The following NR3C2 variants were observed in gnomAD, a reference collection of about 807,000 sequenced individuals.
NR3C2 encodes the protein nuclear receptor subfamily 3 group C member 2, also known as mineralocorticoid receptor.
A neutral mutation model predicts 86.4 loss-of-function variants in NR3C2; 15 were observed. The observed-to-expected ratio is 0.17, with a 90% CI of 0.12 to 0.27. The LOEUF (loss-of-function observed/expected upper bound fraction) is 0.27, where lower values mean the gene tolerates loss of function less well. NR3C2 is among the 10% of genes least tolerant of loss of function. The pLI, the probability that NR3C2 is intolerant of heterozygous loss-of-function variation, is 1.00. For missense variants in NR3C2, 960 were observed against 1,195.6 expected, an observed-to-expected ratio of 0.80 and a Z score of 2.91; for synonymous variants, 458 against 450.5, an observed-to-expected ratio of 1.02 and a Z score of -0.21.
chr4:148,153,975 A>G (rs1466495762), intron 5 of NR3C2, among the ~76,000 whole-genome samples: 2 of 152,066 alleles, frequency 1.3e-5, no homozygotes, highest in African/African-American at 4.8e-5. Context: ...CATTTTGATC[A>G]ACATAAGAAG....
chr4:148,363,502 A>ATTTTTTTTTTTTTTTTTTTTTTTTTT (rs1414328296), intron 2 of NR3C2, among the ~76,000 whole-genome samples: 1 of 16,226 alleles, frequency 6.2e-5, no homozygotes, highest in Non-Finnish European at 1.3e-4. Context: ...CTTCTCATAG[A>ATTTTTTTTTTTTTTTTTTTTTTTTTT]TCTCTTTTTT....
At chr4:148,168,448 G>A (rs958539134) in intron 4 of NR3C2, among the ~76,000 whole-genome samples, 1 of 152,242 alleles carries the variant, frequency 6.6e-6, no homozygotes. Flanking sequence ...GAACTGGCTT[G>A]CCAGGGTTCC....
In NR3C2 at chr4:148,081,260, G is replaced by GT; in HGVS notation, c.*83dup. On this transcript the variant is annotated 3_prime_UTR_variant, in exon 9 of 9. Coordinates refer to ENST00000358102, the MANE Select transcript of NR3C2 (RefSeq NM_000901.5). ...AACAAGTGTGAATCAACCATCACAT[G>GT]TTAAAAACAGGTTTTCTTGGGTCCT... is the stretch of plus-strand genomic sequence containing the variant. The GT allele has an allele frequency of 6.4e-7, 1 of 1,557,078 alleles. No homozygotes were observed. The highest frequency in any genetic ancestry group is 1.1e-5 in the South Asian group (1 of 88,810).
chr4:148,161,007 AG>A (rs1179478387), intron 4 of NR3C2, among the ~76,000 whole-genome samples: 1 of 152,176 alleles, frequency 6.6e-6, no homozygotes, highest in Non-Finnish European at 1.5e-5. Flanking sequence ...ATCCTTCTAT[AG>A]GGTTAAGAAC....
chr4:148,239,396 G>C (rs1422583688), intron 3 of NR3C2, among the ~76,000 whole-genome samples: 1 of 152,194 alleles, frequency 6.6e-6, no homozygotes, highest in Non-Finnish European at 1.5e-5. Flanking sequence ...GTTCAGCACT[G>C]GGGCTACCTT....
chr4:148,107,321 G>T (rs1731847034), intron 8 of NR3C2, among the ~76,000 whole-genome samples: 1 of 152,168 alleles, frequency 6.6e-6, no homozygotes, highest in South Asian at 2.1e-4. Flanking sequence ...AGTCAGAATG[G>T]CAATTATTAA....
intron 4 of NR3C2, among the ~76,000 whole-genome samples, chr4:148,188,243 T>C (rs1736030295): frequency 6.6e-6 from 1 of 152,236 alleles, no homozygotes; most frequent in African/African-American, 2.4e-5. Context: ...TTTTTTCTAA[T>C]TCTGCGAAGA....
intron 4 of NR3C2, among the ~76,000 whole-genome samples, chr4:148,160,018 T>C (rs1734585923): frequency 6.6e-6 from 1 of 152,186 alleles, no homozygotes. Context: ...CAGGGTACAT[T>C]AATGTGACTG....
Position 148,118,921 on chromosome 4 carries a change from C to G in NR3C2, c.2641+1237G>C, listed in dbSNP as rs368489915. 7.2e-5 allele frequency among the ~76,000 whole-genome samples: 11 copies of G among 152,268 alleles called. No homozygotes were observed. The South Asian group carries it at 1.7e-3, about 23-fold the overall frequency. ...TAATACCCCCCATTATTTCCACAGG[C>G]TCCCAGCAGGTCTCTGTGCTTCCAG... is the stretch of plus-strand genomic sequence containing the variant. On this transcript the variant is annotated intron_variant, in intron 7 of 8. Coordinates refer to ENST00000358102, the MANE Select transcript of NR3C2 (RefSeq NM_000901.5).
rs139938639 is a variant in NR3C2 at position 148,154,790 on chromosome 4, G to T, written c.2126C>A (p.Thr709Lys). ...GGGTTCTTTTGCAGGAGCGATGTAC[G>T]TTGTCCCTTCCTCTGGGCTTTGCGG... is the stretch of plus-strand genomic sequence containing the variant. ...PPPQSPEEGT[T>K]YIAPAKEPSV... Residue 709 changes from threonine to lysine, a missense_variant, in exon 5 of 9, where the codon ACG (threonine) becomes AAG (lysine). Physicochemically the swap from Thr to Lys is moderately conservative, Grantham distance 78. Around this residue, in one of 4 missense-constraint regions of NR3C2, gnomAD observed 82 missense variants for 73.0 expected, o/e 1.12. Coordinates refer to ENST00000358102, the MANE Select transcript of NR3C2 (RefSeq NM_000901.5). 1.9e-6 allele frequency: 3 copies of T among 1,541,480 alleles called. No homozygotes were observed. The highest frequency in any genetic ancestry group is 1.1e-5 in the South Asian group (1 of 89,796).
chr4:148,360,323 C>G (rs1285208959), intron 2 of NR3C2, among the ~76,000 whole-genome samples: 1 of 152,170 alleles, frequency 6.6e-6, no homozygotes, highest in African/African-American at 2.4e-5. Context: ...TATGTGCTTT[C>G]TGCTTTCTTC....
At chr4:148,441,751 C>T (rs1750350686) in intron 1 of NR3C2, among the ~76,000 whole-genome samples, 1 of 152,222 alleles carries the variant, frequency 6.6e-6, no homozygotes, top group Admixed American at 6.5e-5. Flanking sequence ...GGATCTATAT[C>T]TCCTTCAACT....
chr4:148,419,056 A>G (rs1011010795), intron 2 of NR3C2, among the ~76,000 whole-genome samples: 2 of 150,958 alleles, frequency 1.3e-5, no homozygotes, highest in African/African-American at 2.4e-5. Flanking sequence ...GCCTGTTTAC[A>G]TGGGTCACCC....
chr4:148,176,202 G>C (rs1735367681), intron 4 of NR3C2, among the ~76,000 whole-genome samples: 1 of 152,208 alleles, frequency 6.6e-6, no homozygotes, highest in Non-Finnish European at 1.5e-5. Flanking sequence ...ACAAGAGCTA[G>C]AAACCTTTAC....
At chr4:148,319,448 A>C (rs1467775701) in intron 2 of NR3C2, among the ~76,000 whole-genome samples, 2 of 151,770 alleles carry the variant, frequency 1.3e-5, no homozygotes, top group Admixed American at 6.6e-5. Flanking sequence ...ATGGCATTGA[A>C]TCTATAAATT....
At chr4:148,133,737 A>C (rs1733145588) in intron 6 of NR3C2, among the ~76,000 whole-genome samples, 1 of 152,162 alleles carries the variant, frequency 6.6e-6, no homozygotes, top group Non-Finnish European at 1.5e-5. Context: ...ACTCTGATAA[A>C]ATCTGGGTGC....
intron 2 of NR3C2, among the ~76,000 whole-genome samples, chr4:148,417,447 T>G (rs1216449129): frequency 6.6e-6 from 1 of 152,184 alleles, no homozygotes; most frequent in Non-Finnish European, 1.5e-5. Context: ...ATCTAGTGTA[T>G]GGTGTTGGCA....
In NR3C2 at chr4:148,080,327, GT is replaced by G. The variant is rs1446220153; in HGVS notation, c.*1016del. ...TCAAGACAACCGAAGAGGTTTCAGT[GT>G]GGTTATTTACAACAGAGACTGTAAA... On this transcript the variant is annotated 3_prime_UTR_variant, in exon 9 of 9. Transcript: ENST00000358102. The G allele has an allele frequency of 6.6e-6, 1 of 152,670 alleles. No homozygotes were observed. Among genetic ancestry groups the G allele is most frequent in the Non-Finnish European group, 1.5e-5 (1 of 68,040 alleles). The allele number at this position is 152,670 out of a possible 1,614,324, so 9.5% of individuals were successfully genotyped here.
chr4:148,084,276 G>A (rs747590983), intron 8 of NR3C2, among the ~76,000 whole-genome samples: 19 of 152,124 alleles, frequency 1.2e-4, no homozygotes, highest in Non-Finnish European at 2.2e-4. Flanking sequence ...GAGAAAGGTC[G>A]GGTTACCCAC....
Sources: allele counts gnomAD v4.1 joint callset (sites outside exome capture counted in the v4.1 genomes callset), GRCh38; gene constraint gnomAD v4.1.1; regional missense constraint gnomAD v4.1.1; transcripts MANE v1.5; gene names NCBI Gene and HGNC (gene_info 2026-07-23, HGNC 2026-07-21).